The following PPARGC1B variants were observed in gnomAD, a reference collection of about 807,000 sequenced individuals.
PPARGC1B encodes the protein PPARG coactivator 1 beta.
A neutral mutation model predicts 101.6 loss-of-function variants in PPARGC1B; 34 were observed. The ratio of observed to expected loss-of-function variants is 0.33; its 90% CI spans 0.25 to 0.45. The LOEUF is 0.45. PPARGC1B is among the 20% of genes least tolerant of loss of function. PPARGC1B has a pLI of 1.00. For synonymous variants in PPARGC1B, 548 were observed against 539.3 expected (o/e 1.02, Z -0.22); for missense variants, 1,234 against 1,317.6 (o/e 0.94, Z 0.98).
intron 1 of PPARGC1B, among the ~76,000 whole-genome samples, chr5:149,807,702 C>T (rs1290529792): frequency 2.6e-5 from 4 of 152,192 alleles, no homozygotes; most frequent in African/African-American, 9.7e-5. Flanking sequence ...ATAACAGTTC[C>T]TGGAGAGTTT....
intron 1 of PPARGC1B, among the ~76,000 whole-genome samples, chr5:149,818,571 GT>G (rs1222003443): frequency 6.6e-6 from 1 of 152,208 alleles, no homozygotes; most frequent in Non-Finnish European, 1.5e-5. Flanking sequence ...CCTTTTTCCT[GT>G]GTCAAGTTGA....
intron 9 of PPARGC1B, among the ~76,000 whole-genome samples, chr5:149,841,741 T>C (rs1240846915): frequency 1.3e-5 from 2 of 152,172 alleles, no homozygotes; most frequent in Non-Finnish European, 2.9e-5. Flanking sequence ...CCCACTGGCA[T>C]AGCATGGAAC....
chr5:149,814,107 C>T (rs1429083352), intron 1 of PPARGC1B, among the ~76,000 whole-genome samples: 1 of 152,190 alleles, frequency 6.6e-6, no homozygotes, highest in African/African-American at 2.4e-5. Context: ...ACCTGTGGTA[C>T]TTTATCTTTG....
Position 149,833,818 on chromosome 5 carries a change from G to A in PPARGC1B, c.1705+40G>A. 1.4e-6 allele frequency: 2 copies of A among 1,450,848 alleles called. No individual in the cohort carries two copies. Among genetic ancestry groups the A allele is most frequent in the Non-Finnish European group, 1.8e-6 (2 of 1,105,848 alleles). The allele number at this position is 1,450,848 out of a possible 1,614,324, so 89.9% of individuals were successfully genotyped here. On this transcript the variant is annotated intron_variant, in intron 5 of 11. Transcript: ENST00000309241. The surrounding 1 kb of genome is among the most constrained non-coding windows in gnomAD (Gnocchi z 4.1). ...TGGTCTGCGAAGTGGGGGCAGGGATGGGGTGCAGCATGCCCCTCTGCACTG... is the reference window on the plus strand; with the variant it reads ...TGGTCTGCGAAGTGGGGGCAGGGATAGGGTGCAGCATGCCCCTCTGCACTG...
At position 149,837,189 on chromosome 5, in the gene PPARGC1B, A is replaced by G. The variant is rs761868877; in HGVS notation, c.2618+116A>G. 24 of 1,450,890 alleles carry G rather than the reference A, an allele frequency of 1.7e-5. No homozygotes were observed. The highest frequency in any genetic ancestry group is 9.9e-5 in the Admixed American group (4 of 40,354). 89.9% of individuals were successfully genotyped at this position (1,450,890 alleles called of 1,614,324 possible). ...AAGCTTGCTCTGAAACTGAGGCTGC[A>G]TCTCCCAGTGTGGCCCATGTCTTGG... is the stretch of plus-strand genomic sequence containing the variant. On this transcript the variant is annotated intron_variant, in intron 8 of 11. Coordinates refer to ENST00000309241, the MANE Select transcript of PPARGC1B (RefSeq NM_133263.4). This position sits in a 1 kb window ranked among gnomAD's most constrained non-coding sequence, Gnocchi z 4.2.
At chr5:149,777,432 T>C (rs1329029132) in intron 1 of PPARGC1B, among the ~76,000 whole-genome samples, 1 of 151,988 alleles carries the variant, frequency 6.6e-6, no homozygotes, top group Non-Finnish European at 1.5e-5. Flanking sequence ...CCCTGGGCCA[T>C]TGGCAGCCCC....
chr5:149,846,122 C>G (rs977254901), intron 11 of PPARGC1B: 2 of 621,524 alleles, frequency 3.2e-6, no homozygotes, highest in Non-Finnish European at 5.8e-6. Context: ...CTTATCCTGT[C>G]CTGTGACTGC....
At chr5:149,748,088 C>T in intron 1 of PPARGC1B, among the ~76,000 whole-genome samples, 1 of 152,040 alleles carries the variant, frequency 6.6e-6, no homozygotes, top group South Asian at 2.1e-4. Context: ...GTGAAACAAC[C>T]AGAGGAGGGG....
intron 1 of PPARGC1B, among the ~76,000 whole-genome samples, chr5:149,798,363 A>G (rs1757308524): frequency 6.6e-6 from 1 of 152,216 alleles, no homozygotes; most frequent in Non-Finnish European, 1.5e-5. Flanking sequence ...TTCTGTTTTT[A>G]TAATACAAGA....
intron 1 of PPARGC1B, among the ~76,000 whole-genome samples, chr5:149,737,416 G>A (rs914491533): frequency 6.6e-6 from 1 of 152,154 alleles, no homozygotes; most frequent in Non-Finnish European, 1.5e-5. Context: ...TGGAGGCTTA[G>A]ACTCAGGCTG....
intron 2 of PPARGC1B, among the ~76,000 whole-genome samples, chr5:149,825,135 C>A (rs1466475712): frequency 6.6e-6 from 1 of 152,228 alleles, no homozygotes; most frequent in Admixed American, 6.5e-5. Context: ...GGTGCCTCAC[C>A]TAGAAGCCAC....
At chr5:149,857,062 C>A (rs868246247), downstream of PPARGC1B, among the ~76,000 whole-genome samples, 6 of 152,136 alleles carry the variant, frequency 3.9e-5, no homozygotes, top group Middle Eastern at 3.4e-3. Flanking sequence ...ATTGAGCCAC[C>A]ACGCCTGGCC....
At chr5:149,817,624 C>T (rs190389415) in intron 1 of PPARGC1B, 9 of 418,280 alleles carry the variant, frequency 2.2e-5, no homozygotes, top group South Asian at 3.4e-5. Context: ...TGTCAACTCA[C>T]GGAGGAAGGA....
chr5:149,743,258 T>G (rs921097910), intron 1 of PPARGC1B, among the ~76,000 whole-genome samples: 5 of 151,304 alleles, frequency 3.3e-5, no homozygotes, highest in Non-Finnish European at 7.4e-5. Flanking sequence ...TGGGTTCAAC[T>G]GATTCTCCTG....
intron 1 of PPARGC1B, among the ~76,000 whole-genome samples, chr5:149,789,477 A>C (rs1391553204): frequency 1.3e-5 from 2 of 152,242 alleles, no homozygotes; most frequent in Non-Finnish European, 2.9e-5. Context: ...GGATCAGATG[A>C]AATAATAAAT....
intron 3 of PPARGC1B, among the ~76,000 whole-genome samples, chr5:149,827,533 C>T (rs571658560): frequency 7.2e-5 from 11 of 152,316 alleles, no homozygotes; most frequent in African/African-American, 2.2e-4. Flanking sequence ...TTCCTCATTA[C>T]AAGCAGTGGC....
chr5:149,748,331 A>ATC (rs1755164782), intron 1 of PPARGC1B, among the ~76,000 whole-genome samples: 1 of 149,878 alleles, frequency 6.7e-6, no homozygotes, highest in African/African-American at 2.5e-5. Context: ...ATATCTATAT[A>ATC]TATATATCTC....
At chr5:149,798,498 A>T (rs893858102) in intron 1 of PPARGC1B, among the ~76,000 whole-genome samples, 3 of 152,190 alleles carry the variant, frequency 2.0e-5, no homozygotes, top group African/African-American at 7.2e-5. Flanking sequence ...CACTCCAGGT[A>T]TGTGATCAGA....
intron 1 of PPARGC1B, among the ~76,000 whole-genome samples, chr5:149,795,157 T>C (rs1757163323): frequency 6.6e-6 from 1 of 152,196 alleles, no homozygotes; most frequent in African/African-American, 2.4e-5. Context: ...TTGCAGCAGC[T>C]CTGAAATGAA....
Sources: allele counts gnomAD v4.1 joint callset (sites outside exome capture counted in the v4.1 genomes callset), GRCh38; gene constraint gnomAD v4.1.1; non-coding constraint Gnocchi (gnomAD v3.1); transcripts MANE v1.5; gene names NCBI Gene and HGNC (gene_info 2026-07-23, HGNC 2026-07-21).